Variants in ASIC4 observed in about 807,000 individuals in gnomAD.
ASIC4 encodes acid sensing ion channel subunit family member 4, also known as acid-sensing ion channel 4.
ASIC4 carries 28 observed loss-of-function variants against 53.4 expected under a neutral mutation model. That is an observed-to-expected ratio of 0.52 (90% CI 0.39 to 0.72). ASIC4 has a LOEUF of 0.72. Ranked by LOEUF, ASIC4 falls within the 30% of genes least tolerant of loss-of-function variation. The probability of loss-of-function intolerance (pLI) is 0.00; values close to 1 mark genes in which losing one functional copy is unlikely to be tolerated. For synonymous variants in ASIC4, 289 were observed against 301.4 expected (o/e 0.96, Z 0.43); for missense variants, 649 against 729.7 (o/e 0.89, Z 1.27).
intron 1 of ASIC4, among the ~76,000 whole-genome samples, chr2:219,527,779 C>T (rs1694982284): frequency 6.6e-6 from 1 of 152,232 alleles, no homozygotes; most frequent in African/African-American, 2.4e-5. Flanking sequence ...TCAAAAGCAC[C>T]TATCACAGGA....
Position 219,517,986 on chromosome 2 carries a change from G to A in ASIC4, c.582+2680G>A, listed in dbSNP as rs539297888. 1.3e-5 allele frequency among the ~76,000 whole-genome samples: 2 copies of A among 152,218 alleles called. No individual in the cohort carries two copies. The highest frequency in any genetic ancestry group is 1.9e-4 in the East Asian group (1 of 5,186). ...CCAGCCTATTTTTACTCCGGGTAAT[G>A]TGCCCTCCCCCAGTCCCCTCTGCTG... is the stretch of plus-strand genomic sequence containing the variant. On this transcript the variant is annotated intron_variant, in intron 1 of 9. Transcript: ENST00000358078. This position sits in a 1 kb window ranked among gnomAD's most constrained non-coding sequence, Gnocchi z 4.2.
At chr2:219,510,927 C>T (rs1335936022), upstream of ASIC4, among the ~76,000 whole-genome samples, 5 of 152,108 alleles carry the variant, frequency 3.3e-5, no homozygotes, top group Admixed American at 2.0e-4. This position sits in a 1 kb window ranked among gnomAD's most constrained non-coding sequence, Gnocchi z 5.2. Context: ...GCCGTCCGCC[C>T]CCCGCCCCTC....
Position 219,535,336 on chromosome 2 carries a change from T to C in ASIC4, c.1229+12T>C, listed in dbSNP as rs757620772. The stretch of plus-strand genomic sequence containing the variant: ...GAGACCTACATACGGTATGTGTGTG[T>C]GTGTGTGGGGGGTGGCTGTGTGACT... On this transcript the variant is annotated intron_variant, in intron 6 of 9. Coordinates refer to ENST00000358078, the MANE Select transcript of ASIC4 (RefSeq NM_018674.6). 1.3e-6 allele frequency: 2 copies of C among 1,539,644 alleles called. No homozygotes were observed. Among genetic ancestry groups the C allele is most frequent in the Non-Finnish European group, 1.8e-6 (2 of 1,138,242 alleles).
rs1417531502 is a variant in ASIC4, at chr2:219,537,315, C to A, written c.1395C>A (p.Ile465=). Residue 465 remains isoleucine, a synonymous_variant, in exon 8 of 10, where the codon ATC becomes ATA. Coordinates refer to ENST00000358078, the MANE Select transcript of ASIC4 (RefSeq NM_018674.6). This position sits in a 1 kb window ranked among gnomAD's most constrained non-coding sequence, Gnocchi z 4.9. ...CGTTGCTGGAGATCCTCGACTACATCTATGAGGCAAGGGCCCTGGAGAAGG... is the reference window on the plus strand; with the variant it reads ...CGTTGCTGGAGATCCTCGACTACATATATGAGGCAAGGGCCCTGGAGAAGG... The part of the protein sequence containing the change: ...ILTLLEILDY[I]YEVSWDRLKR... 1.2e-6 allele frequency: 2 copies of A among 1,612,554 alleles called. No homozygotes were observed. The highest frequency in any genetic ancestry group is 4.5e-5 in the East Asian group (2 of 44,860).
intron 1 of ASIC4, among the ~76,000 whole-genome samples, chr2:219,520,323 C>G (rs1299452862): frequency 6.6e-6 from 1 of 152,180 alleles, no homozygotes; most frequent in Non-Finnish European, 1.5e-5. Context: ...CCCCACCCAG[C>G]CGCCAGCCAG....
chr2:219,511,899 G>T (rs918645800), upstream of ASIC4, among the ~76,000 whole-genome samples: 1 of 152,094 alleles, frequency 6.6e-6, no homozygotes, highest in African/African-American at 2.4e-5. This position sits in a 1 kb window ranked among gnomAD's most constrained non-coding sequence, Gnocchi z 5.3. Context: ...GGGAAGCGGG[G>T]AGAGGGAGGA....
chr2:219,532,479 T>C lies in ASIC4; in HGVS notation c.1018+2T>C. 1 of 1,606,660 alleles carries C rather than the reference T, an allele frequency of 6.2e-7. No individual in the cohort carries two copies. The highest frequency in any genetic ancestry group is 1.1e-5 in the South Asian group (1 of 90,910). On this transcript the variant is annotated splice_donor_variant, in intron 4 of 9. Coordinates refer to ENST00000358078, the MANE Select transcript of ASIC4 (RefSeq NM_018674.6). LOFTEE classifies it high-confidence loss of function. Reference sequence around the variant, plus strand: ...ACTGCCGGATGGTGCACATGCCAGGTGGGCACCCCACCCCCAGCCAGCCCT... The same window carrying C: ...ACTGCCGGATGGTGCACATGCCAGGCGGGCACCCCACCCCCAGCCAGCCCT...
chr2:219,535,430 T>A (rs1219503785), intron 6 of ASIC4, 106 bp downstream of exon 6: 17 of 1,297,302 alleles, frequency 1.3e-5, no homozygotes, highest in Non-Finnish European at 1.8e-5. Context: ...TGTATGTGTG[T>A]ATGTGTTTGT....
the ASIC4 span, among the ~76,000 whole-genome samples, chr2:219,508,528 C>T: frequency 2.0e-5 from 3 of 151,868 alleles, no homozygotes; most frequent in Non-Finnish European, 2.9e-5. Context: ...AACATGCCCC[C>T]GAGATTGAAG....
chr2:219,535,549 AGT>A (rs950015953), intron 6 of ASIC4, among the ~76,000 whole-genome samples: 5 of 94,150 alleles, frequency 5.3e-5, no homozygotes, highest in South Asian at 2.6e-4. Context: ...TGGGTGTGTG[AGT>A]GTGTGATGTG....
chr2:219,522,752 G>A (rs1303810937), intron 1 of ASIC4, among the ~76,000 whole-genome samples: 1 of 152,100 alleles, frequency 6.6e-6, no homozygotes, highest in African/African-American at 2.4e-5. Context: ...CGCCGCGGGG[G>A]CGGGCGGCGG....
At chr2:219,532,655 G>T in intron 4 of ASIC4, 178 bp downstream of exon 4, 1 of 945,118 alleles carries the variant, frequency 1.1e-6, no homozygotes. Flanking sequence ...TATGCATGTG[G>T]GAATGCCGGC....
chr2:219,518,551 C>T lies in ASIC4; in HGVS notation c.582+3245C>T, dbSNP rs1054854791. Among the ~76,000 whole-genome samples the T allele has an allele frequency of 1.3e-5, 2 of 151,980 alleles. No homozygotes were observed. Among genetic ancestry groups the T allele is most frequent in the Non-Finnish European group, 2.9e-5 (2 of 68,000 alleles). On this transcript the variant is annotated intron_variant, in intron 1 of 9. Coordinates refer to ENST00000358078, the MANE Select transcript of ASIC4 (RefSeq NM_018674.6). This position sits in a 1 kb window ranked among gnomAD's most constrained non-coding sequence, Gnocchi z 4.8. ...CTCCCCTCTTCACTCAGTCTCATAC[C>T]ATCTCACTCCCGCCCATTCTACCAC...
intron 1 of ASIC4, among the ~76,000 whole-genome samples, chr2:219,527,284 G>A (rs531104456): frequency 6.6e-6 from 1 of 152,318 alleles, no homozygotes; most frequent in Admixed American, 6.5e-5. Flanking sequence ...TGTGCAGGTG[G>A]CCTCCTCCTG....
At chr2:219,527,780 T>C (rs1278577241) in intron 1 of ASIC4, among the ~76,000 whole-genome samples, 1 of 152,280 alleles carries the variant, frequency 6.6e-6, no homozygotes, top group African/African-American at 2.4e-5. Flanking sequence ...CAAAAGCACC[T>C]ATCACAGGAC....
At position 219,534,713 on chromosome 2, in the gene ASIC4, C is replaced by G. The variant is rs538121768; in HGVS notation, c.1076-458C>G. 2.4e-4 allele frequency among the ~76,000 whole-genome samples: 37 copies of G among 152,240 alleles called. No individual in the cohort carries two copies. In the East Asian group the frequency reaches 7.1e-3, roughly 29 times the overall value. On this transcript the variant is annotated intron_variant, in intron 5 of 9. Transcript: ENST00000358078. ...AGCCCAGCACATTGATCCTGGGAAG[C>G]TTGTCGGTCTATTTGTTCTTCTGTT...
At position 219,538,060 on chromosome 2, in the gene ASIC4, C is replaced by T; in HGVS notation, c.*14C>T. On this transcript the variant is annotated 3_prime_UTR_variant, in exon 10 of 10. Transcript: ENST00000358078. ...TTTGCTTGCTAGGACGGTGCTGTGA[C>T]TGAAAGGACCCAGGAGTCTGGGACC... 1.9e-6 allele frequency: 3 copies of T among 1,599,548 alleles called. No individual in the cohort carries two copies. The highest frequency in any genetic ancestry group is 1.1e-5 in the South Asian group (1 of 89,646).
rs377611486 is a variant in ASIC4 at position 219,514,589 on chromosome 2, C to A, written c.-136C>A. 8.1e-5 allele frequency: 129 copies of A among 1,591,260 alleles called. No homozygotes were observed. Among genetic ancestry groups the A allele is most frequent in the Non-Finnish European group, 1.1e-4 (126 of 1,169,054 alleles). ...CCCCCACCTCGGGCCCCCACCCTGTCCCTGTCCTCTTCCCGCTTGCCCTGA... is the reference window on the plus strand; with the variant it reads ...CCCCCACCTCGGGCCCCCACCCTGTACCTGTCCTCTTCCCGCTTGCCCTGA... On this transcript the variant is annotated 5_prime_UTR_variant, in exon 1 of 10. Coordinates refer to ENST00000358078, the MANE Select transcript of ASIC4 (RefSeq NM_018674.6).
chr2:219,532,465 G>A lies in ASIC4; in HGVS notation c.1006G>A (p.Val336Met). 6.2e-7 allele frequency: 1 copy of A among 1,611,950 alleles called. No homozygotes were observed. The highest frequency in any genetic ancestry group is 8.5e-7 in the Non-Finnish European group (1 of 1,178,730). The change falls in exon 4 of 10, where the codon GTG becomes ATG. Residue 336 changes from valine (V) to methionine (M), a missense_variant. By Grantham distance (21) the Val-to-Met change is conservative (BLOSUM62 1). Coordinates refer to ENST00000358078, the MANE Select transcript of ASIC4 (RefSeq NM_018674.6). The part of the protein sequence containing the change: ...AVLQRCHCRM[V>M]HMPGNETICP... ...GCTTCAGCGCTGCCACTGCCGGATGGTGCACATGCCAGGTGGGCACCCCAC... is the reference window on the plus strand; with the variant it reads ...GCTTCAGCGCTGCCACTGCCGGATGATGCACATGCCAGGTGGGCACCCCAC...
Sources: gnomAD v4.1 joint callset for allele counts (sites outside exome capture counted in the v4.1 genomes callset) on GRCh38, gnomAD v4.1.1 for gene constraint, Gnocchi (gnomAD v3.1) non-coding constraint, MANE v1.5 for transcripts, NCBI Gene and HGNC (gene_info 2026-07-23, HGNC 2026-07-21) for gene names.